Variants in USP20 observed in about 807,000 individuals in gnomAD.
USP20 encodes ubiquitin carboxyl-terminal hydrolase 20.
A neutral mutation model predicts 124.2 loss-of-function variants in USP20; 80 were observed. The ratio of observed to expected loss-of-function variants is 0.64; its 90% CI spans 0.54 to 0.78. The LOEUF is 0.78. Ranked by LOEUF, USP20 falls within the 30% of genes least tolerant of loss-of-function variation. The pLI is 0.00. For synonymous variants in USP20, 481 were observed against 512.3 expected, an observed-to-expected ratio of 0.94 and a Z score of 0.83; for missense variants, 1,043 against 1,244.4, an observed-to-expected ratio of 0.84 and a Z score of 2.44.
rs139106007 is a variant in USP20 at position 129,858,631 on chromosome 9, G to A, written c.330+33G>A. ...GTGTGGTGGGCTCTGTTTGGTTGTTGGTGACACTGTGTTGAGGATGAGGCA... is the reference window on the plus strand; with the variant it reads ...GTGTGGTGGGCTCTGTTTGGTTGTTAGTGACACTGTGTTGAGGATGAGGCA... On this transcript the variant is annotated intron_variant, in intron 6 of 25. Coordinates refer to ENST00000372429, the MANE Select transcript of USP20 (RefSeq NM_001110303.4). The A allele has an allele frequency of 7.5e-6, 12 of 1,608,836 alleles. No individual in the cohort carries two copies. In the African/African-American group the frequency reaches 1.3e-4, roughly 18 times the overall value.
At chr9:129,858,408 G>C in intron 5 of USP20, 59 bp from the exon 6 acceptor site, 1 of 1,610,888 alleles carries the variant, frequency 6.2e-7, no homozygotes, top group South Asian at 1.1e-5. Flanking sequence ...AGCCATTACA[G>C]GTTGGGGCAC....
intron 5 of USP20, 62 bp downstream of exon 5, chr9:129,858,174 C>A: frequency 6.6e-7 from 1 of 1,521,196 alleles, no homozygotes; most frequent in Non-Finnish European, 9.1e-7. Context: ...CAAACCCCAG[C>A]TCCACCTTCC....
In USP20 at chr9:129,875,339, G is replaced by A. The variant is rs748665837; in HGVS notation, c.2078G>A (p.Arg693Gln). Residue 693 changes from arginine to glutamine, a missense_variant, in exon 20 of 26, where the codon CGA becomes CAA. Physicochemically the swap from Arg to Gln is conservative, Grantham distance 43 (BLOSUM62 1). Coordinates refer to ENST00000372429, the MANE Select transcript of USP20 (RefSeq NM_001110303.4). ...AGCAGCGAGGAGGCCATGCGGGAGC[G>A]ACAGCAGGTGGTGTCCCTGGCCGCC... is the stretch of plus-strand genomic sequence containing the variant. Reference protein sequence around the residue: ...RKSSEEAMRERQQVVSLAAMR... With the variant: ...RKSSEEAMREQQQVVSLAAMR... 1.2e-5 allele frequency: 19 copies of A among 1,611,578 alleles called. No individual in the cohort carries two copies. Among genetic ancestry groups the A allele is most frequent in the African/African-American group, 5.3e-5 (4 of 74,904 alleles).
Position 129,875,344 on chromosome 9 carries a change from C to G in USP20, c.2083C>G (p.Gln695Glu), listed in dbSNP as rs1183889734. 1 of 1,612,240 alleles carries G rather than the reference C, an allele frequency of 6.2e-7. No homozygotes were observed. Among genetic ancestry groups the G allele is most frequent in the African/African-American group, 1.3e-5 (1 of 75,056 alleles). The change falls in exon 20 of 26, where the codon CAG (glutamine) becomes GAG (glutamate). Residue 695 changes from glutamine (Q) to glutamate (E), a missense_variant. Gln to Glu is a conservative substitution (Grantham distance 29). Coordinates refer to ENST00000372429, the MANE Select transcript of USP20 (RefSeq NM_001110303.4). ...CGAGGAGGCCATGCGGGAGCGACAG[C>G]AGGTGGTGTCCCTGGCCGCCATGCG... is the stretch of plus-strand genomic sequence containing the variant. ...SSEEAMRERQ[Q>E]VVSLAAMREP...
Position 129,880,095 on chromosome 9 carries a change from G to A in USP20, c.2585-18G>A, listed in dbSNP as rs985700141. The A allele has an allele frequency of 3.7e-6, 6 of 1,610,876 alleles. No individual in the cohort carries two copies. The highest frequency in any genetic ancestry group is 5.1e-6 in the Non-Finnish European group (6 of 1,177,876). On this transcript the variant is annotated intron_variant, in intron 24 of 25. Transcript: ENST00000372429. ...AGGAGGCAAAGGTGAGCCTAGGGGT[G>A]CCTCTCGTGCCCTGCAGGAGCTGAC...
intron 21 of USP20, 64 bp from the exon 22 acceptor site, chr9:129,876,066 T>C (rs565798601): frequency 7.1e-7 from 1 of 1,416,768 alleles, no homozygotes; most frequent in Non-Finnish European, 9.7e-7. Flanking sequence ...TGGAAGGCAG[T>C]GATCACTCTC....
At chr9:129,876,078 C>A in intron 21 of USP20, 52 bp from the exon 22 acceptor site, 1 of 1,511,826 alleles carries the variant, frequency 6.6e-7, no homozygotes. Context: ...ATCACTCTCC[C>A]CTCCCTGGTA....
At chr9:129,869,460 G>A (rs918311668) in intron 13 of USP20, 35 bp downstream of exon 13, 1 of 1,601,128 alleles carries the variant, frequency 6.2e-7, no homozygotes, top group Non-Finnish European at 8.6e-7. Flanking sequence ...GCTGGGCCAG[G>A]CTGCCAGTGG....
At chr9:129,861,634 G>C in intron 8 of USP20, 22 bp downstream of exon 8, 4 of 1,612,968 alleles carry the variant, frequency 2.5e-6, no homozygotes, top group Non-Finnish European at 3.4e-6. Context: ...CTTTGTCCGA[G>C]GGCCGAGAGC....
intron 1 of USP20, among the ~76,000 whole-genome samples, chr9:129,846,075 C>T (rs976388493): frequency 6.6e-6 from 1 of 151,416 alleles, no homozygotes; most frequent in Non-Finnish European, 1.5e-5. Context: ...CAGGCGTCCG[C>T]CACCACACCC....
At chr9:129,880,330 C>T in intron 25 of USP20, 41 bp downstream of exon 25, 1 of 1,516,524 alleles carries the variant, frequency 6.6e-7, no homozygotes, top group Non-Finnish European at 8.8e-7. Flanking sequence ...ACTCTGGGTC[C>T]TCTCCTCACT....
In USP20 at chr9:129,856,292, T is replaced by C. The variant is rs1279353260; in HGVS notation, c.82-15T>C. On this transcript the variant is annotated splice_polypyrimidine_tract_variant and intron_variant, in intron 3 of 25. Transcript: ENST00000372429. ...CCTCATGCCTGCTCTTTTTCTCTCC[T>C]CTCAACTCACACAGGGAACCTGTCA... 2 of 1,613,944 alleles carry C rather than the reference T, an allele frequency of 1.2e-6. No homozygotes were observed. The highest frequency in any genetic ancestry group is 1.7e-5 in the Admixed American group (1 of 60,032).
At chr9:129,857,952 A>T in intron 4 of USP20, 98 bp from the exon 5 acceptor site, 3 of 1,084,884 alleles carry the variant, frequency 2.8e-6, no homozygotes, top group Non-Finnish European at 2.8e-6. Context: ...CCTATTCAGG[A>T]GAGGTAGGGG....
intron 14 of USP20, 200 bp from the exon 15 acceptor site, chr9:129,870,253 C>CGGAGAA (rs1291891023): frequency 1.7e-6 from 1 of 599,310 alleles, no homozygotes; most frequent in African/African-American, 1.9e-5. Context: ...GCCAGGCTTG[C>CGGAGAA]GGAGAGATGA....
At chr9:129,846,485 T>G (rs895459272) in intron 1 of USP20, among the ~76,000 whole-genome samples, 8 of 149,910 alleles carry the variant, frequency 5.3e-5, no homozygotes, top group Non-Finnish European at 8.9e-5. Context: ...CTCAAACTCC[T>G]GGGCTCAAGC....
At chr9:129,840,123 T>C (rs7854822) in intron 1 of USP20, among the ~76,000 whole-genome samples, 6,733 of 150,128 alleles carry the variant, frequency 0.045, 518 homozygotes, top group African/African-American at 0.15. Context: ...GCTGACTTGT[T>C]GTACAGTAGG....
intron 8 of USP20, among the ~76,000 whole-genome samples, chr9:129,862,262 A>T (rs1460291417): frequency 6.6e-6 from 1 of 151,898 alleles, no homozygotes; most frequent in East Asian, 1.9e-4. Flanking sequence ...TTAATAATTG[A>T]CCACACCCAG....
At chr9:129,878,516 G>A in intron 23 of USP20, 76 bp downstream of exon 23, 1 of 1,304,770 alleles carries the variant, frequency 7.7e-7, no homozygotes, top group South Asian at 1.4e-5. Context: ...GGGGAGGGCT[G>A]GCACACAGGG....
chr9:129,842,083 G>A (rs183193458), intron 1 of USP20, among the ~76,000 whole-genome samples: 20 of 152,230 alleles, frequency 1.3e-4, no homozygotes, highest in Non-Finnish European at 2.4e-4. Flanking sequence ...AAGTCCATGA[G>A]GCCCTAAGTC....
Sources: gnomAD v4.1 joint callset for allele counts (sites outside exome capture counted in the v4.1 genomes callset) on GRCh38, gnomAD v4.1.1 for gene constraint, MANE v1.5 for transcripts, NCBI Gene and HGNC (gene_info 2026-07-23, HGNC 2026-07-21) for gene names.